Variants in CFAP70 observed in about 807,000 individuals in gnomAD.
CFAP70 encodes cilia and flagella associated protein 70, also known as cilia- and flagella-associated protein 70.
In CFAP70, 81 loss-of-function variants were observed where a neutral mutation model predicts 137.6. The observed-to-expected ratio is 0.59, with a 90% CI of 0.49 to 0.71. The LOEUF is 0.71. CFAP70 is among the 30% of genes least tolerant of loss of function. CFAP70 has a pLI of 0.00. For synonymous variants in CFAP70, 382 were observed against 423.6 expected, an observed-to-expected ratio of 0.90 and a Z score of 1.20; for missense variants, 976 against 1,226.7, an observed-to-expected ratio of 0.80 and a Z score of 3.05.
chr10:73,274,633 A>G, intron 22 of CFAP70, 39 bp from the exon 24 acceptor site: 1 of 1,505,576 alleles, frequency 6.6e-7, no homozygotes, highest in Non-Finnish European at 9.0e-7. Flanking sequence ...GGGATAAGGT[A>G]GTATTTAAAA....
chr10:73,258,138 A>G (rs1440362121), intron 25 of CFAP70, among the ~76,000 whole-genome samples: 2 of 152,182 alleles, frequency 1.3e-5, no homozygotes, highest in East Asian at 3.9e-4. Context: ...ATTGTACTTA[A>G]AAGTGGTTAT....
chr10:73,279,684 C>T (rs964322252), intron 19 of CFAP70, among the ~76,000 whole-genome samples: 1 of 151,860 alleles, frequency 6.6e-6, no homozygotes, highest in African/African-American at 2.4e-5. Flanking sequence ...CACAGTGAGA[C>T]CTCATCTCTA....
chr10:73,262,857 T>A (rs79648686), intron 25 of CFAP70, among the ~76,000 whole-genome samples: 6,959 of 152,164 alleles, frequency 0.046, 486 homozygotes, highest in African/African-American at 0.15. Flanking sequence ...AAAGTATATA[T>A]GTGTGTGTTT....
At chr10:73,312,253 G>C (rs1352624128) in intron 10 of CFAP70, among the ~76,000 whole-genome samples, 6 of 152,074 alleles carry the variant, frequency 3.9e-5, no homozygotes, top group African/African-American at 1.2e-4. Flanking sequence ...ATGCATGTGG[G>C]GCTTAAAACC....
intron 13 of CFAP70, 31 bp from the exon 15 acceptor site, chr10:73,299,132 C>T (rs926579738): frequency 3.4e-5 from 52 of 1,531,592 alleles, no homozygotes; most frequent in Non-Finnish European, 4.5e-5. Context: ...TGGTAGACGC[C>T]TCAGAGAGGT....
At chr10:73,256,559 G>A in intron 25 of CFAP70, 143 bp from the exon 27 acceptor site, 4 of 790,170 alleles carry the variant, frequency 5.1e-6, no homozygotes, top group Admixed American at 2.8e-5. Flanking sequence ...TGAATTGAGA[G>A]GAAAAACTAG....
intron 25 of CFAP70, among the ~76,000 whole-genome samples, chr10:73,263,220 C>T (rs1018844507): frequency 2.7e-5 from 4 of 150,894 alleles, no homozygotes; most frequent in Non-Finnish European, 5.9e-5. Flanking sequence ...CCACCTCAGC[C>T]TCCCAAGTAG....
chr10:73,260,992 T>C (rs1268613890), intron 25 of CFAP70, among the ~76,000 whole-genome samples: 1 of 152,210 alleles, frequency 6.6e-6, no homozygotes, highest in Non-Finnish European at 1.5e-5. Context: ...CTGGCACATA[T>C]GGTAAATATG....
intron 16 of CFAP70, 118 bp from the exon 18 acceptor site, chr10:73,292,132 T>C: frequency 7.8e-7 from 1 of 1,283,652 alleles, no homozygotes; most frequent in South Asian, 1.4e-5. Flanking sequence ...TTGTGACTTC[T>C]TTTTTGCTTA....
intron 8 of CFAP70, among the ~76,000 whole-genome samples, chr10:73,323,630 C>T (rs1309710673): frequency 2.6e-5 from 4 of 152,214 alleles, no homozygotes; most frequent in African/African-American, 9.6e-5. Context: ...CCTAATACTG[C>T]GCTTTTGCCG....
At chr10:73,343,742 G>C (rs2132440269) in intron 5 of CFAP70, among the ~76,000 whole-genome samples, 1 of 152,076 alleles carries the variant, frequency 6.6e-6, no homozygotes, top group East Asian at 1.9e-4. Context: ...AGAATTCTAG[G>C]ACCTGGTAGG....
chr10:73,291,995 TG>T lies in CFAP70; in HGVS notation c.1789del (p.Gln597ArgfsTer15). ...ATAGTCCAACCAGTGATCCAGATTC[TG>T]GGGCTCACGGACCAATCTCTAAGCA... On this transcript the variant is annotated frameshift_variant, in exon 17 of 27. Coordinates refer to ENST00000310715, the Ensembl canonical transcript of CFAP70. LOFTEE classifies it high-confidence loss of function. 6.2e-7 allele frequency: 1 copy of T among 1,614,164 alleles called. No individual in the cohort carries two copies. The highest frequency in any genetic ancestry group is 1.3e-5 in the African/African-American group (1 of 75,056).
rs1342979156 is a variant in CFAP70 at position 73,254,067 on chromosome 10, AG to A, written c.3076-13del. 6.3e-7 allele frequency: 1 copy of A among 1,586,218 alleles called. No homozygotes were observed. The highest frequency in any genetic ancestry group is 1.7e-5 in the Admixed American group (1 of 59,690). ...TCTTTCAATTTCAGCTACATGAAAG[AG>A]GAAGAAAGGGAAAGATATATGTCAT... is the stretch of plus-strand genomic sequence containing the variant. On this transcript the variant is annotated splice_polypyrimidine_tract_variant and intron_variant, in intron 26 of 26. Transcript: ENST00000310715.
chr10:73,348,080 AATTGAACCT>A, intron 4 of CFAP70, 67 bp downstream of exon 5: 1 of 1,341,788 alleles, frequency 7.5e-7, no homozygotes. Flanking sequence ...CACTCAACTG[AATTGAACCT>A]TAATAGCAGA....
chr10:73,360,056 G>A (rs2054946391), upstream of CFAP70, among the ~76,000 whole-genome samples: 1 of 152,150 alleles, frequency 6.6e-6, no homozygotes, highest in South Asian at 2.1e-4. Flanking sequence ...ATAGCATTCT[G>A]GACCAGAAAG....
chr10:73,354,761 C>T (rs1426730032), exon 2 of CFAP70: 1 of 1,614,108 alleles, frequency 6.2e-7, no homozygotes, highest in Admixed American at 1.7e-5. Context: ...TCACGGTGAT[C>T]TGCACGAGTC....
At chr10:73,333,977 A>G (rs2052372136) in intron 7 of CFAP70, among the ~76,000 whole-genome samples, 1 of 152,248 alleles carries the variant, frequency 6.6e-6, no homozygotes. Flanking sequence ...ATTATACACC[A>G]TGACCAAGTG....
intron 7 of CFAP70, among the ~76,000 whole-genome samples, chr10:73,331,632 T>C (rs1369588191): frequency 6.6e-6 from 1 of 152,140 alleles, no homozygotes; most frequent in Non-Finnish European, 1.5e-5. Context: ...TAGTGAGCCG[T>C]GATGGTGCTA....
chr10:73,278,191 G>C (rs745977548), exon 20 of CFAP70: 1 of 1,613,266 alleles, frequency 6.2e-7, no homozygotes, highest in Non-Finnish European at 8.5e-7. Context: ...TTCTTTGTTG[G>C]TATCTCCTTG....
Sources: gnomAD v4.1 joint callset for allele counts (sites outside exome capture counted in the v4.1 genomes callset) on GRCh38, gnomAD v4.1.1 for gene constraint, MANE v1.5 for transcripts, NCBI Gene and HGNC (gene_info 2026-07-23, HGNC 2026-07-21) for gene names.